Variants in ASPA observed in about 807,000 individuals in gnomAD.
The protein encoded by ASPA is aspartoacylase.
In ASPA, 25 loss-of-function variants were observed where a neutral mutation model predicts 29.6. The observed-to-expected ratio is 0.85, with a 90% CI of 0.62 to 1.18. The LOEUF (loss-of-function observed/expected upper bound fraction) is 1.18. Ranked by LOEUF, ASPA falls within the 50% of genes most tolerant of loss-of-function variation. ASPA has a pLI of 0.00. For synonymous variants in ASPA, 131 were observed against 130.3 expected, an observed-to-expected ratio of 1.01 and a Z score of -0.04; for missense variants, 333 against 385.7, an observed-to-expected ratio of 0.86 and a Z score of 1.14.
chr17:3,476,506 C>T, intron 1 of ASPA, 111 bp downstream of exon 1: 2 of 1,001,462 alleles, frequency 2.0e-6, no homozygotes, highest in East Asian at 2.5e-5. Context: ...TCCGTACATG[C>T]AGTCGTATGT....
chr17:3,481,044 G>C (rs1458827014), intron 1 of ASPA, among the ~76,000 whole-genome samples: 1 of 151,970 alleles, frequency 6.6e-6, no homozygotes, highest in Non-Finnish European at 1.5e-5. Context: ...GATTGCTTGA[G>C]CCCAGGAGTT....
chr17:3,482,486 TGA>T (rs1215669575), intron 2 of ASPA, among the ~76,000 whole-genome samples: 1 of 152,186 alleles, frequency 6.6e-6, no homozygotes, highest in African/African-American at 2.4e-5. Flanking sequence ...CAAGGATGAT[TGA>T]GAGGAAAGAG....
intron 3 of ASPA, 53 bp from the exon 4 acceptor site, chr17:3,489,182 A>G (rs2073777881): frequency 3.6e-6 from 4 of 1,105,728 alleles, no homozygotes; most frequent in Non-Finnish European, 5.5e-6. Flanking sequence ...GCTTAGTTTT[A>G]TAATATATTT....
chr17:3,494,507 C>A, intron 5 of ASPA, 48 bp downstream of exon 5: 1 of 1,471,250 alleles, frequency 6.8e-7, no homozygotes, highest in South Asian at 1.1e-5. Context: ...AATGCTGTAC[C>A]TTTGAATAGA....
At position 3,502,172 on chromosome 17, in the gene ASPA, T is replaced by A. The variant is rs188329105; in HGVS notation, c.*3084T>A. On this transcript the variant is annotated 3_prime_UTR_variant, in exon 6 of 6. Coordinates refer to ENST00000263080, the MANE Select transcript of ASPA (RefSeq NM_000049.4). ...GCAAGGCCCTCCACCAGCAAAAAGA[T>A]CATGAATTGCTGAAAGCTCAAATGA... The A allele has an allele frequency of 1.4e-4, 22 of 152,322 alleles. No homozygotes were observed. The highest frequency in any genetic ancestry group is 1.4e-3 in the Admixed American group (21 of 15,290). The allele number at this position is 152,322 out of a possible 1,614,324, so 9.4% of individuals were successfully genotyped here.
At position 3,481,616 on chromosome 17, in the gene ASPA, G is replaced by C; in HGVS notation, c.250G>C (p.Glu84Gln). The change falls in exon 2 of 6, where the codon GAA (glutamate) becomes CAA (glutamine). Residue 84 changes from glutamate (E) to glutamine (Q), a missense_variant. Glu to Gln is a conservative substitution (Grantham distance 29). Coordinates refer to ENST00000263080, the MANE Select transcript of ASPA (RefSeq NM_000049.4). ...DLENLGKKMS[E>Q]DLPYEVRRAQ... ...TGCTTATAACAGCAAAAAAATGTCA[G>C]AAGATTTGCCATATGAAGTGAGAAG... 1 of 1,613,504 alleles carries C rather than the reference G, an allele frequency of 6.2e-7. No individual in the cohort carries two copies. The highest frequency in any genetic ancestry group is 8.5e-7 in the Non-Finnish European group (1 of 1,179,814).
At chr17:3,487,071 T>C (rs2073737435) in intron 3 of ASPA, among the ~76,000 whole-genome samples, 2 of 144,484 alleles carry the variant, frequency 1.4e-5, no homozygotes, top group South Asian at 2.2e-4. Flanking sequence ...TGTGTGTGTG[T>C]GCGTGTGTGT....
At chr17:3,496,945 A>G (rs144345019) in intron 5 of ASPA, among the ~76,000 whole-genome samples, 3 of 152,194 alleles carry the variant, frequency 2.0e-5, no homozygotes, top group African/African-American at 7.2e-5. Flanking sequence ...AGGCGCCTGT[A>G]ATCCCAGCTA....
At chr17:3,497,296 CAGAGAAA>C (rs1217344498) in intron 5 of ASPA, among the ~76,000 whole-genome samples, 2 of 152,150 alleles carry the variant, frequency 1.3e-5, no homozygotes, top group African/African-American at 4.8e-5. Context: ...ACCACCGGTT[CAGAGAAA>C]TAGTTCTCAG....
intron 1 of ASPA, among the ~76,000 whole-genome samples, chr17:3,478,624 G>T (rs967680745): frequency 2.0e-5 from 3 of 152,196 alleles, no homozygotes; most frequent in African/African-American, 7.2e-5. Flanking sequence ...GCACCCAGTA[G>T]TATGCATTTC....
chr17:3,490,462 G>A lies in ASPA; in HGVS notation c.634+1120G>A, dbSNP rs2073805299. Among the ~76,000 whole-genome samples the A allele has an allele frequency of 6.6e-6, 1 of 152,176 alleles. No individual in the cohort carries two copies. The highest frequency in any genetic ancestry group is 2.1e-4 in the South Asian group (1 of 4,830). On this transcript the variant is annotated intron_variant, in intron 4 of 5. Coordinates refer to ENST00000263080, the MANE Select transcript of ASPA (RefSeq NM_000049.4). This position sits in a 1 kb window ranked among gnomAD's most constrained non-coding sequence, Gnocchi z 4.6. ...CAGACTGAGTTGAAATTGTTGTTGA[G>A]GAATGGGCAATTATAATAACAGAGG...
chr17:3,480,226 C>T (rs1385612642), intron 1 of ASPA, among the ~76,000 whole-genome samples: 1 of 152,210 alleles, frequency 6.6e-6, no homozygotes, highest in Non-Finnish European at 1.5e-5. Flanking sequence ...TCATCCGCTG[C>T]CCAGACAGAG....
upstream of ASPA, chr17:3,475,510 C>G (rs574887439): frequency 3.3e-5 from 5 of 152,466 alleles, no homozygotes; most frequent in African/African-American, 7.2e-5. Context: ...GGTAGCTTTT[C>G]GAGTCCCAAG....
At chr17:3,493,859 G>A (rs1277013115) in intron 4 of ASPA, among the ~76,000 whole-genome samples, 2 of 152,062 alleles carry the variant, frequency 1.3e-5, no homozygotes, top group East Asian at 1.9e-4. Context: ...TCTGGCCGTC[G>A]GCGTGTTTGT....
chr17:3,484,435 G>A (rs1461246644), intron 3 of ASPA, among the ~76,000 whole-genome samples: 1 of 152,168 alleles, frequency 6.6e-6, no homozygotes, highest in Non-Finnish European at 1.5e-5. Context: ...GACTGGAAGA[G>A]CAGGAAAGAC....
chr17:3,476,754 A>G (rs1244382927), intron 1 of ASPA, among the ~76,000 whole-genome samples: 1 of 152,226 alleles, frequency 6.6e-6, no homozygotes, highest in African/African-American at 2.4e-5. Context: ...CTATGCTTGC[A>G]TATAAAATTG....
At chr17:3,497,375 TAAA>T (rs2073927022) in intron 5 of ASPA, among the ~76,000 whole-genome samples, 1 of 152,074 alleles carries the variant, frequency 6.6e-6, no homozygotes, top group Non-Finnish European at 1.5e-5. Flanking sequence ...CAGTGAACTA[TAAA>T]TGGGTAGCAT....
rs1170207442 is a variant in ASPA, at chr17:3,500,465, CA to C, written c.*1380del. On this transcript the variant is annotated 3_prime_UTR_variant, in exon 6 of 6. Coordinates refer to ENST00000263080, the MANE Select transcript of ASPA (RefSeq NM_000049.4). ...ACAGCTGGTGACTTTGGGTTAAAGCCAAAGCTCATTAACTGTTTCAAAAATC... is the reference window on the plus strand; with the variant it reads ...ACAGCTGGTGACTTTGGGTTAAAGCCAAGCTCATTAACTGTTTCAAAAATC... 1 of 152,036 alleles carries C rather than the reference CA, an allele frequency of 6.6e-6. No homozygotes were observed. 9.4% of individuals were successfully genotyped at this position (152,036 alleles called of 1,614,324 possible).
Position 3,481,658 on chromosome 17 carries a change from C to A in ASPA, c.292C>A (p.His98Asn). 2 of 1,613,774 alleles carry A rather than the reference C, an allele frequency of 1.2e-6. No homozygotes were observed. The highest frequency in any genetic ancestry group is 1.1e-5 in the South Asian group (1 of 91,016). The change falls in exon 2 of 6, where the codon CAT becomes AAT. Residue 98 changes from histidine (H) to asparagine (N), a missense_variant. His to Asn is a moderately conservative substitution (Grantham distance 68, BLOSUM62 1). Coordinates refer to ENST00000263080, the MANE Select transcript of ASPA (RefSeq NM_000049.4). ...YEVRRAQEINHLFGPKDSEDS... is the reference protein window; with the variant it reads ...YEVRRAQEINNLFGPKDSEDS... ...AGTGAGAAGGGCTCAAGAAATAAAT[C>A]ATTTATTTGGTCCAAAAGACAGTGA...
Sources: gnomAD v4.1 joint callset for allele counts (sites outside exome capture counted in the v4.1 genomes callset) on GRCh38, gnomAD v4.1.1 for gene constraint, Gnocchi (gnomAD v3.1) non-coding constraint, MANE v1.5 for transcripts, NCBI Gene and HGNC (gene_info 2026-07-23, HGNC 2026-07-21) for gene names.